CCSER1: variants seen among roughly 807,000 people sequenced by gnomAD.
CCSER1 encodes the protein serine-rich coiled-coil domain-containing protein 1.
Under a neutral mutation model 82.0 loss-of-function variants are expected in CCSER1, and 41 were observed. The ratio of observed to expected loss-of-function variants is 0.50; its 90% CI spans 0.39 to 0.65. CCSER1 has a LOEUF of 0.65. CCSER1 is among the 30% of genes least tolerant of loss of function. The pLI is 0.00. For missense variants in CCSER1, 1,119 were observed against 1,064.2 expected (o/e 1.05, Z -0.72); for synonymous variants, 414 against 383.9 (o/e 1.08, Z -0.92).
intron 1 of CCSER1, among the ~76,000 whole-genome samples, chr4:90,298,793 G>T (rs574818725): frequency 6.6e-5 from 10 of 152,268 alleles, no homozygotes; most frequent in African/African-American, 2.4e-4. Context: ...AAACCCAGCT[G>T]TTCTTGTATC....
At chr4:91,435,153 T>A (rs544100700) in intron 10 of CCSER1, among the ~76,000 whole-genome samples, 60 of 152,298 alleles carry the variant, frequency 3.9e-4, no homozygotes, top group Non-Finnish European at 7.5e-4. Flanking sequence ...AACAAAAGTG[T>A]CTAGGCTGGG....
At chr4:91,561,600 A>G (rs899712776) in intron 10 of CCSER1, among the ~76,000 whole-genome samples, 3 of 151,508 alleles carry the variant, frequency 2.0e-5, no homozygotes, top group African/African-American at 7.2e-5. Flanking sequence ...TCCCCTTTAC[A>G]TAGAAATTTA....
At chr4:90,854,460 T>A (rs886938060) in intron 8 of CCSER1, among the ~76,000 whole-genome samples, 2 of 152,158 alleles carry the variant, frequency 1.3e-5, no homozygotes, top group African/African-American at 4.8e-5. Context: ...ATGCCTAAAG[T>A]CATTTTTTGC....
chr4:91,103,622 A>G (rs1006609379), intron 10 of CCSER1, among the ~76,000 whole-genome samples: 3 of 152,174 alleles, frequency 2.0e-5, no homozygotes, highest in Admixed American at 2.0e-4. Context: ...CAGTTCCCAA[A>G]TAATACTTTT....
intron 5 of CCSER1, among the ~76,000 whole-genome samples, chr4:90,598,493 G>A (rs1783632989): frequency 6.6e-6 from 1 of 152,010 alleles, no homozygotes; most frequent in South Asian, 2.1e-4. Flanking sequence ...TTACCTTTTT[G>A]ATAATAGCCA....
rs190624779 is a variant in CCSER1, at chr4:91,447,515, A to G, written c.2218-151057A>G. Reference sequence around the variant, plus strand: ...TCCATGTACCTATCACACTACTATTATAGCAATGTTGCTGAAAACAATGAT... The same window carrying G: ...TCCATGTACCTATCACACTACTATTGTAGCAATGTTGCTGAAAACAATGAT... On this transcript the variant is annotated intron_variant, in intron 10 of 10. Coordinates refer to ENST00000509176, the MANE Select transcript of CCSER1 (RefSeq NM_001145065.2). 2.8e-3 allele frequency among the ~76,000 whole-genome samples: 421 copies of G among 152,248 alleles called. 2 individuals are homozygous for G. The highest frequency in any genetic ancestry group is 9.4e-3 in the African/African-American group (391 of 41,554).
At chr4:90,889,845 C>T (rs1314270972) in intron 8 of CCSER1, among the ~76,000 whole-genome samples, 1 of 152,066 alleles carries the variant, frequency 6.6e-6, no homozygotes, top group African/African-American at 2.4e-5. Context: ...TCCTCAAAAT[C>T]AGCTCTTCTT....
At chr4:91,287,577 G>A (rs1175733779) in intron 10 of CCSER1, among the ~76,000 whole-genome samples, 2 of 151,920 alleles carry the variant, frequency 1.3e-5, no homozygotes, top group Non-Finnish European at 2.9e-5. Flanking sequence ...GTCTGGTAAG[G>A]TTGCTTCAAA....
intron 1 of CCSER1, among the ~76,000 whole-genome samples, chr4:90,144,851 A>G (rs1008856640): frequency 2.0e-5 from 3 of 152,066 alleles, no homozygotes; most frequent in African/African-American, 7.2e-5. Flanking sequence ...ATTCATTTTG[A>G]TAATTGTTTA....
chr4:90,939,367 A>G (rs896058955), intron 9 of CCSER1, among the ~76,000 whole-genome samples: 1 of 152,212 alleles, frequency 6.6e-6, no homozygotes, highest in Non-Finnish European at 1.5e-5. Flanking sequence ...AGTCTCCTGA[A>G]TGTATCCTAA....
chr4:90,488,966 T>C (rs1297378372), intron 5 of CCSER1, among the ~76,000 whole-genome samples: 2 of 152,144 alleles, frequency 1.3e-5, no homozygotes, highest in Admixed American at 6.6e-5. Context: ...AATATTTTAT[T>C]GTATGGAAAA....
chr4:90,782,006 T>C (rs1222446786), intron 7 of CCSER1: 3 of 854,342 alleles, frequency 3.5e-6, no homozygotes, highest in African/African-American at 3.7e-5. Flanking sequence ...TATTATAAAG[T>C]ATTTTCCTAA....
intron 1 of CCSER1, among the ~76,000 whole-genome samples, chr4:90,213,748 G>A (rs116834112): frequency 0.012 from 1,824 of 152,294 alleles, 46 homozygotes; most frequent in African/African-American, 0.041. Flanking sequence ...ACAGATGCTA[G>A]TTCTTAAATA....
intron 10 of CCSER1, among the ~76,000 whole-genome samples, chr4:91,387,162 A>G (rs1190032284): frequency 1.3e-5 from 2 of 152,050 alleles, no homozygotes; most frequent in Admixed American, 6.6e-5. Context: ...GCCCTTGTTT[A>G]TAAATATATA....
chr4:91,297,895 T>A (rs1355548539), intron 10 of CCSER1, among the ~76,000 whole-genome samples: 5 of 152,032 alleles, frequency 3.3e-5, no homozygotes, highest in African/African-American at 7.2e-5. Flanking sequence ...TGATGTTAAA[T>A]CTAGAGCCTG....
intron 5 of CCSER1, among the ~76,000 whole-genome samples, chr4:90,489,842 G>A (rs1412940989): frequency 1.3e-5 from 2 of 152,118 alleles, no homozygotes; most frequent in Non-Finnish European, 2.9e-5. Context: ...CCCTACAAAG[G>A]ACATGAACTC....
chr4:91,383,826 C>T (rs1291608728), intron 10 of CCSER1, among the ~76,000 whole-genome samples: 1 of 152,134 alleles, frequency 6.6e-6, no homozygotes, highest in East Asian at 1.9e-4. Flanking sequence ...GAATTGTTGA[C>T]ATCTTGAGGG....
intron 10 of CCSER1, among the ~76,000 whole-genome samples, chr4:91,495,093 T>G (rs548286526): frequency 6.6e-6 from 1 of 151,794 alleles, no homozygotes; most frequent in Admixed American, 6.6e-5. Context: ...TAGTGTGTAA[T>G]AATTTTCGAA....
At chr4:90,207,975 T>C (rs1350538388) in intron 1 of CCSER1, among the ~76,000 whole-genome samples, 1 of 151,974 alleles carries the variant, frequency 6.6e-6, no homozygotes, top group Non-Finnish European at 1.5e-5. Flanking sequence ...GGAATGGGGG[T>C]TGGGGACTCA....
Sources: gnomAD v4.1 joint callset for allele counts (sites outside exome capture counted in the v4.1 genomes callset) on GRCh38, gnomAD v4.1.1 for gene constraint, MANE v1.5 for transcripts, NCBI Gene and HGNC (gene_info 2026-07-23, HGNC 2026-07-21) for gene names.